The following EDA variants were observed in gnomAD, a reference collection of about 807,000 sequenced individuals.
EDA encodes ectodysplasin A, also known as ectodysplasin-A.
Under a neutral mutation model 23.6 loss-of-function variants are expected in EDA, and 2 were observed. That is an observed-to-expected ratio of 0.08 (90% confidence interval 0.03 to 0.27). The LOEUF (loss-of-function observed/expected upper bound fraction) is 0.27, where lower values mean the gene tolerates loss of function less well. EDA is among the 10% of genes least tolerant of loss of function. The pLI, the probability that EDA is intolerant of heterozygous loss-of-function variation, is 1.00. For missense variants in EDA, 229 were observed against 324.2 expected, an observed-to-expected ratio of 0.71 and a Z score of 2.26; for synonymous variants, 131 against 132.0, an observed-to-expected ratio of 0.99 and a Z score of 0.05.
intron 1 of EDA, among the ~76,000 whole-genome samples, chrX:69,835,523 A>G (rs1420443346): frequency 8.9e-6 from 1 of 111,760 alleles, no homozygotes; most frequent in East Asian, 2.8e-4. Flanking sequence ...AAGCTTGTGC[A>G]TGTGTCACGT....
rs756666192 is a variant in EDA at position 69,795,853 on chromosome X, C to T, written c.397-161174C>T. The stretch of plus-strand genomic sequence containing the variant: ...ACACTATCAGGGGCTTGAGGACAAG[C>T]CCACCTGGCCCAGCTCCGCCCCCTC... On this transcript the variant is annotated intron_variant, in intron 1 of 7. Coordinates refer to ENST00000374552, the MANE Select transcript of EDA (RefSeq NM_001399.5). Among the ~76,000 whole-genome samples, 3 of 112,348 alleles carry T rather than the reference C, an allele frequency of 2.7e-5. No homozygotes were observed. The Admixed American group carries it at 2.8e-4, about 10-fold the overall frequency.
At chrX:69,754,889 G>C (rs923282053) in intron 1 of EDA, among the ~76,000 whole-genome samples, 1 of 112,052 alleles carries the variant, frequency 8.9e-6, no homozygotes, top group African/African-American at 3.2e-5. Flanking sequence ...CTCGTGCCAA[G>C]GTCTTCAGCT....
At chrX:69,888,977 GTTATATATATATATATATAT>G (rs1192234646) in intron 1 of EDA, among the ~76,000 whole-genome samples, 18 of 13,239 alleles carry the variant, frequency 1.4e-3, no homozygotes, top group South Asian at 0.01. Context: ...TTGTGGGGTA[GTTATATATATATATATATAT>G]ATATATATAT....
chrX:69,898,150 G>A (rs1260907023), intron 1 of EDA, among the ~76,000 whole-genome samples: 1 of 111,944 alleles, frequency 8.9e-6, no homozygotes, highest in Non-Finnish European at 1.9e-5. Flanking sequence ...GTGGAGGGGG[G>A]TTGGCTATAG....
intron 1 of EDA, among the ~76,000 whole-genome samples, chrX:69,673,251 T>C (rs1382138044): frequency 9.0e-6 from 1 of 111,468 alleles, no homozygotes; most frequent in African/African-American, 3.3e-5. Flanking sequence ...AGGGAGAAAG[T>C]AGAGGAAGAA....
chrX:69,895,960 C>G (rs748055793), intron 1 of EDA, among the ~76,000 whole-genome samples: 3 of 112,219 alleles, frequency 2.7e-5, no homozygotes, highest in Non-Finnish European at 5.6e-5. Flanking sequence ...GAAAATACCA[C>G]AAACTGTGTG....
At chrX:69,719,742 A>G (rs750274457) in intron 1 of EDA, among the ~76,000 whole-genome samples, 3 of 99,490 alleles carry the variant, frequency 3.0e-5, no homozygotes, top group Admixed American at 1.1e-4. Context: ...ACACACACAC[A>G]CCACATTTTC....
chrX:69,838,988 C>A (rs2016840574), intron 1 of EDA, among the ~76,000 whole-genome samples: 1 of 111,949 alleles, frequency 8.9e-6, no homozygotes, highest in Non-Finnish European at 1.9e-5. Flanking sequence ...TTGAAAACCC[C>A]TCCTGTCCAT....
chrX:69,926,920 T>C lies in EDA; in HGVS notation c.397-30107T>C, dbSNP rs189520352. Among the ~76,000 whole-genome samples, 85 of 111,798 alleles carry C rather than the reference T, an allele frequency of 7.6e-4. 2 individuals carry two copies. The East Asian group carries it at 0.011, about 14-fold the overall frequency. ...TACCGTTTTGTAATACCCTTCTTTG[T>C]CTTTTTTGATCTTTGTTTTTTTAAA... On this transcript the variant is annotated intron_variant, in intron 1 of 7. Transcript: ENST00000374552.
At chrX:69,932,633 A>T (rs749842822) in intron 1 of EDA, among the ~76,000 whole-genome samples, 3 of 111,992 alleles carry the variant, frequency 2.7e-5, no homozygotes, top group Non-Finnish European at 5.6e-5. Context: ...TTGCCATATG[A>T]TTATTTTTAT....
chrX:69,745,904 C>CTT lies in EDA; in HGVS notation c.396+129201_396+129202dup, dbSNP rs771675918. Among the ~76,000 whole-genome samples, 3 of 111,658 alleles carry CTT rather than the reference C, an allele frequency of 2.7e-5. No individual in the cohort carries two copies. The South Asian group carries it at 1.2e-3, about 43-fold the overall frequency. On this transcript the variant is annotated intron_variant, in intron 1 of 7. Transcript: ENST00000374552. ...TCAAGAGGCTGAGGCAGGAGAATCA[C>CTT]TTGAACCTGGAGGAAGAGGTTGCAG...
chrX:69,746,286 G>T (rs2013618284), intron 1 of EDA, among the ~76,000 whole-genome samples: 1 of 111,583 alleles, frequency 9.0e-6, no homozygotes, highest in Non-Finnish European at 1.9e-5. Context: ...GGCCTTTTAA[G>T]GAAGCTGACT....
chrX:69,673,590 A>T (rs1315401469), intron 1 of EDA, among the ~76,000 whole-genome samples: 1 of 20,861 alleles, frequency 4.8e-5, no homozygotes, highest in Non-Finnish European at 7.2e-5. Flanking sequence ...TGTATTCAAA[A>T]AAAAAAAATC....
intron 1 of EDA, among the ~76,000 whole-genome samples, chrX:69,939,439 C>A (rs1298908630): frequency 1.8e-5 from 2 of 109,015 alleles, no homozygotes. Context: ...TTTTTTTTAT[C>A]CTGAAACGTT....
chrX:69,703,245 C>T (rs1337432049), intron 1 of EDA, among the ~76,000 whole-genome samples: 4 of 111,403 alleles, frequency 3.6e-5, no homozygotes, highest in East Asian at 2.9e-4. Context: ...CAAGAGAGGC[C>T]GTGCAGATTT....
chrX:69,933,079 A>G (rs139601090), intron 1 of EDA, among the ~76,000 whole-genome samples: 182 of 110,983 alleles, frequency 1.6e-3, no homozygotes, highest in African/African-American at 5.7e-3. Context: ...CTACCTGCCA[A>G]TTCTAGTCAT....
intron 2 of EDA, among the ~76,000 whole-genome samples, chrX:69,989,176 G>A (rs1253570180): frequency 2.7e-5 from 3 of 112,164 alleles, no homozygotes; most frequent in Non-Finnish European, 5.6e-5. Flanking sequence ...AGCAGGGCCT[G>A]GCAGGGAGCT....
chrX:69,898,728 T>C (rs1242340914), intron 1 of EDA, among the ~76,000 whole-genome samples: 1 of 112,703 alleles, frequency 8.9e-6, no homozygotes. Flanking sequence ...ATAAGTGTTA[T>C]GTATTGAAAT....
intron 1 of EDA, among the ~76,000 whole-genome samples, chrX:69,779,493 A>G (rs1270232831): frequency 1.8e-5 from 2 of 111,372 alleles, no homozygotes; most frequent in Admixed American, 1.9e-4. Context: ...AGAGATAGAA[A>G]GCAGATCAGT....
Sources: allele counts gnomAD v4.1 joint callset (sites outside exome capture counted in the v4.1 genomes callset), GRCh38; gene constraint gnomAD v4.1.1; transcripts MANE v1.5; gene names NCBI Gene and HGNC (gene_info 2026-07-23, HGNC 2026-07-21).